The following ATP2C1 variants were observed in gnomAD, a reference collection of about 807,000 sequenced individuals.
ATP2C1 encodes calcium-transporting ATPase type 2C member 1.
ATP2C1 carries 31 observed loss-of-function variants against 120.5 expected under a neutral mutation model. The observed-to-expected ratio is 0.26, with a 90% CI of 0.19 to 0.35. The LOEUF (loss-of-function observed/expected upper bound fraction) is 0.35, where lower values mean the gene tolerates loss of function less well. Ranked by LOEUF, ATP2C1 falls within the 10% of genes least tolerant of loss-of-function variation. ATP2C1 has a pLI of 1.00. For missense variants in ATP2C1, 731 were observed against 1,107.5 expected (o/e 0.66, Z 4.83); for synonymous variants, 351 against 358.7 (o/e 0.98, Z 0.24).
At chr3:130,946,414 G>C (rs1382036244) in intron 8 of ATP2C1, among the ~76,000 whole-genome samples, 1 of 152,206 alleles carries the variant, frequency 6.6e-6, no homozygotes, top group African/African-American at 2.4e-5. Context: ...GTTCTAAGGA[G>C]AAGTAAAAAC....
chr3:130,995,410 G>A (rs1463248983), intron 22 of ATP2C1, among the ~76,000 whole-genome samples: 2 of 146,008 alleles, frequency 1.4e-5, no homozygotes, highest in African/African-American at 5.1e-5. Flanking sequence ...GCAAGACCCT[G>A]TCTCAAAAAA....
At chr3:130,920,308 T>A (rs973202768) in intron 2 of ATP2C1, among the ~76,000 whole-genome samples, 1 of 152,260 alleles carries the variant, frequency 6.6e-6, no homozygotes, top group Non-Finnish European at 1.5e-5. Flanking sequence ...CTAAGAGTTT[T>A]AGTTTCATGT....
At chr3:130,973,153 A>G (rs1448959793) in intron 17 of ATP2C1, among the ~76,000 whole-genome samples, 2 of 152,214 alleles carry the variant, frequency 1.3e-5, no homozygotes, top group Admixed American at 6.5e-5. Flanking sequence ...ATAGGAAGAA[A>G]GAACAGAAAA....
At position 130,997,761 on chromosome 3, in the gene ATP2C1, C is replaced by T. The variant is rs1240195342; in HGVS notation, c.2391+8C>T. The stretch of plus-strand genomic sequence containing the variant: ...TTTGTCTTCTGGCGTGAGGTATATT[C>T]ACTGGCCAAGCTGCTATATTAACAT... On this transcript the variant is annotated splice_region_variant and intron_variant, in intron 25 of 27. Coordinates refer to ENST00000510168, the MANE Select transcript of ATP2C1 (RefSeq NM_001378687.1). The T allele has an allele frequency of 1.1e-5, 17 of 1,612,830 alleles. No homozygotes were observed. Among genetic ancestry groups the T allele is most frequent in the Non-Finnish European group, 1.4e-5 (16 of 1,179,432 alleles).
At chr3:130,956,331 C>G (rs970116273) in intron 11 of ATP2C1, 152 bp downstream of exon 11, 18 of 467,814 alleles carry the variant, frequency 3.8e-5, no homozygotes, top group African/African-American at 3.4e-4. Flanking sequence ...AGCCATTGTT[C>G]ATTTCAACAA....
chr3:130,969,943 G>A (rs923401155), intron 17 of ATP2C1, among the ~76,000 whole-genome samples: 5 of 152,204 alleles, frequency 3.3e-5, no homozygotes, highest in African/African-American at 9.6e-5. Flanking sequence ...TGTAATAAGA[G>A]TTCTGAATTA....
intron 26 of ATP2C1, among the ~76,000 whole-genome samples, chr3:131,013,686 T>G (rs2063434318): frequency 6.6e-6 from 1 of 152,220 alleles, no homozygotes; most frequent in South Asian, 2.1e-4. Context: ...GAAACTGTTT[T>G]TAAAACTTTT....
At chr3:130,967,476 G>T in intron 16 of ATP2C1, 57 bp downstream of exon 16, 1 of 1,402,462 alleles carries the variant, frequency 7.1e-7, no homozygotes, top group South Asian at 1.2e-5. Context: ...ACAACAGAAT[G>T]CAGTGTCATC....
At chr3:130,911,743 A>C (rs1478625986) in intron 2 of ATP2C1, among the ~76,000 whole-genome samples, 1 of 151,726 alleles carries the variant, frequency 6.6e-6, no homozygotes, top group Non-Finnish European at 1.5e-5. Flanking sequence ...CAGAATTGGA[A>C]AAAACTACTT....
intron 2 of ATP2C1, among the ~76,000 whole-genome samples, chr3:130,900,412 C>A (rs2057764204): frequency 6.6e-6 from 1 of 151,948 alleles, no homozygotes; most frequent in African/African-American, 2.4e-5. Flanking sequence ...ATTGATGCAT[C>A]CTTATAGAAA....
At position 130,925,960 on chromosome 3, in the gene ATP2C1, C is replaced by T. The variant is rs140928392; in HGVS notation, c.7-4456C>T. 8.5e-5 allele frequency among the ~76,000 whole-genome samples: 13 copies of T among 152,284 alleles called. No individual in the cohort carries two copies. The East Asian group carries it at 2.5e-3, about 29-fold the overall frequency. ...TCCATGCAACCTGTGGTCTTAAAGG[C>T]TGGTCTCACTTCCATCATGCCTCCC... On this transcript the variant is annotated intron_variant, in intron 2 of 27. Transcript: ENST00000510168.
Position 130,998,315 on chromosome 3 carries a change from C to T in ATP2C1, c.2413C>T (p.Pro805Ser), listed in dbSNP as rs1184979287. Residue 805 changes from proline to serine, a missense_variant, in exon 26 of 28, where the codon CCT becomes TCT. Around this residue, in one of 3 missense-constraint regions of ATP2C1, gnomAD observed 141 missense variants for 201.6 expected, o/e 0.70. Transcript: ENST00000510168. ...WRELRDNVIT[P>S]RDTTMTFTCF... Reference sequence around the variant, plus strand: ...ACAGCTACGAGACAATGTGATTACACCTCGAGACACAACAATGACCTTCAC... The same window carrying T: ...ACAGCTACGAGACAATGTGATTACATCTCGAGACACAACAATGACCTTCAC... 1 of 1,612,096 alleles carries T rather than the reference C, an allele frequency of 6.2e-7. No homozygotes were observed. Among genetic ancestry groups the T allele is most frequent in the Non-Finnish European group, 8.5e-7 (1 of 1,178,196 alleles).
chr3:130,947,701 T>A (rs1382398545), intron 8 of ATP2C1, among the ~76,000 whole-genome samples: 1 of 152,196 alleles, frequency 6.6e-6, no homozygotes, highest in East Asian at 1.9e-4. Context: ...GGAAAGGACT[T>A]CTGTTGTTAC....
intron 11 of ATP2C1, among the ~76,000 whole-genome samples, chr3:130,957,866 CA>C (rs2060648600): frequency 6.6e-6 from 1 of 152,100 alleles, no homozygotes; most frequent in Non-Finnish European, 1.5e-5. Context: ...TCTGTTAATA[CA>C]ATATTAGTTG....
chr3:130,907,230 T>C (rs2058173336), intron 2 of ATP2C1, among the ~76,000 whole-genome samples: 1 of 152,062 alleles, frequency 6.6e-6, no homozygotes, highest in Admixed American at 6.6e-5. Context: ...TTTGTAAATA[T>C]TTCTCCCATT....
At chr3:130,979,863 A>T (rs1282371652) in intron 19 of ATP2C1, among the ~76,000 whole-genome samples, 2 of 152,198 alleles carry the variant, frequency 1.3e-5, no homozygotes. Flanking sequence ...GCTATTTAAG[A>T]TTACCGTAAG....
intron 8 of ATP2C1, among the ~76,000 whole-genome samples, chr3:130,943,998 C>T (rs2060030947): frequency 6.6e-6 from 1 of 152,162 alleles, no homozygotes; most frequent in Admixed American, 6.5e-5. Context: ...TCATTTGATA[C>T]TACTGTATGA....
intron 2 of ATP2C1, among the ~76,000 whole-genome samples, chr3:130,898,702 A>T (rs1428640338): frequency 6.6e-6 from 1 of 152,306 alleles, no homozygotes; most frequent in South Asian, 2.1e-4. Context: ...CATTCATTTA[A>T]AGTCAGCAGA....
At chr3:130,937,921 G>C (rs1210171280) in intron 6 of ATP2C1, among the ~76,000 whole-genome samples, 1 of 152,160 alleles carries the variant, frequency 6.6e-6, no homozygotes, top group African/African-American at 2.4e-5. Context: ...AAATTCCACA[G>C]GTTTCTGTGA....
Sources: allele counts gnomAD v4.1 joint callset (sites outside exome capture counted in the v4.1 genomes callset), GRCh38; gene constraint gnomAD v4.1.1; regional missense constraint gnomAD v4.1.1; transcripts MANE v1.5; gene names NCBI Gene and HGNC (gene_info 2026-07-23, HGNC 2026-07-21).